Variants in SLC24A2 observed in about 807,000 individuals in gnomAD.
SLC24A2 encodes solute carrier family 24 member 2, also known as sodium/potassium/calcium exchanger 2.
SLC24A2 carries 36 observed loss-of-function variants against 62.0 expected under a neutral mutation model. The observed-to-expected ratio is 0.58, with a 90% CI of 0.44 to 0.77. The LOEUF (loss-of-function observed/expected upper bound fraction) is 0.77. SLC24A2 is among the 30% of genes least tolerant of loss of function. The pLI, the probability that SLC24A2 is intolerant of heterozygous loss-of-function variation, is 0.00. For missense variants in SLC24A2, 846 were observed against 817.9 expected (o/e 1.03, Z -0.42); for synonymous variants, 358 against 294.0 (o/e 1.22, Z -2.23).
chr9:19,511,847 T>G lies in SLC24A2; in HGVS notation c.*4306A>C, dbSNP rs915337193. The G allele has an allele frequency of 6.6e-6, 1 of 152,216 alleles. No individual in the cohort carries two copies. The highest frequency in any genetic ancestry group is 2.4e-5 in the African/African-American group (1 of 41,448). 9.4% of individuals were successfully genotyped at this position (152,216 alleles called of 1,614,324 possible). ...CAATCTGTCCAGGTGCAAGGAGGCA[T>G]AGCATCCACATAATCTCGCGTGTGT... On this transcript the variant is annotated 3_prime_UTR_variant, in exon 11 of 11. Coordinates refer to ENST00000341998, the MANE Select transcript of SLC24A2 (RefSeq NM_020344.4).
the SLC24A2 span, among the ~76,000 whole-genome samples, chr9:19,908,018 C>A: frequency 4.6e-5 from 7 of 152,264 alleles, no homozygotes; most frequent in Non-Finnish European, 8.8e-5. Flanking sequence ...AAAGTGCCCG[C>A]ATCACAAAGT....
the SLC24A2 span, among the ~76,000 whole-genome samples, chr9:20,001,530 T>C: frequency 6.6e-6 from 1 of 152,142 alleles, no homozygotes; most frequent in South Asian, 2.1e-4. Context: ...CTTTTTTGGG[T>C]AAATCACATG....
intron 7 of SLC24A2, among the ~76,000 whole-genome samples, chr9:19,562,873 G>A (rs1007527605): frequency 2.6e-5 from 4 of 152,098 alleles, no homozygotes; most frequent in African/African-American, 4.8e-5. Flanking sequence ...TGGAGCTCTG[G>A]GTAGAAGGAT....
At chr9:19,758,537 C>CAA in intron 2 of SLC24A2, among the ~76,000 whole-genome samples, 1 of 152,040 alleles carries the variant, frequency 6.6e-6, no homozygotes, top group South Asian at 2.1e-4. Flanking sequence ...CTTAAACAAA[C>CAA]AAAAAAAACC....
At chr9:19,805,927 G>A in the SLC24A2 span, among the ~76,000 whole-genome samples, 1 of 151,662 alleles carries the variant, frequency 6.6e-6, no homozygotes, top group East Asian at 1.9e-4. Context: ...TCTTCAGAGT[G>A]AAATGTCACT....
At chr9:19,693,414 G>C (rs1389047003) in intron 2 of SLC24A2, among the ~76,000 whole-genome samples, 1 of 152,054 alleles carries the variant, frequency 6.6e-6, no homozygotes, top group Non-Finnish European at 1.5e-5. Context: ...CTGTTTACTA[G>C]TTTATTAATT....
At chr9:19,839,107 A>G in the SLC24A2 span, among the ~76,000 whole-genome samples, 1 of 152,352 alleles carries the variant, frequency 6.6e-6, no homozygotes, top group Non-Finnish European at 1.5e-5. Flanking sequence ...TCTCAAAAGA[A>G]GACATTTATG....
At chr9:19,682,674 T>A (rs1213499009) in intron 2 of SLC24A2, among the ~76,000 whole-genome samples, 1 of 152,144 alleles carries the variant, frequency 6.6e-6, no homozygotes, top group Non-Finnish European at 1.5e-5. Context: ...GACCTCTAAA[T>A]ACACAAACGT....
At chr9:19,965,528 C>A in the SLC24A2 span, among the ~76,000 whole-genome samples, 2 of 152,134 alleles carry the variant, frequency 1.3e-5, no homozygotes, top group African/African-American at 4.8e-5. Context: ...GTGTGTGATG[C>A]GTAGCAAGTT....
chr9:20,248,336 T>C, the SLC24A2 span, among the ~76,000 whole-genome samples: 1 of 152,248 alleles, frequency 6.6e-6, no homozygotes, highest in East Asian at 1.9e-4. Context: ...GAGCACATCT[T>C]ATTTGGTTCG....
At chr9:19,579,037 G>GT (rs1467160143) in intron 5 of SLC24A2, among the ~76,000 whole-genome samples, 16 of 152,176 alleles carry the variant, frequency 1.1e-4, no homozygotes, top group Admixed American at 1.0e-3. Flanking sequence ...TGAGAAAGAA[G>GT]GATGAGGTGA....
chr9:20,099,636 G>C, the SLC24A2 span, among the ~76,000 whole-genome samples: 1 of 151,996 alleles, frequency 6.6e-6, no homozygotes, highest in Admixed American at 6.5e-5. Flanking sequence ...TCCTTTTCAG[G>C]CTCCTTCCAG....
chr9:19,566,962 G>T (rs12337191), intron 7 of SLC24A2, among the ~76,000 whole-genome samples: 1 of 151,560 alleles, frequency 6.6e-6, no homozygotes, highest in Non-Finnish European at 1.5e-5. Context: ...GCCTGTTGTG[G>T]GGTGGGGGAG....
chr9:19,556,115 T>C (rs1239082714), intron 7 of SLC24A2, among the ~76,000 whole-genome samples: 1 of 152,224 alleles, frequency 6.6e-6, no homozygotes, highest in Non-Finnish European at 1.5e-5. Context: ...ACTCAGCATC[T>C]ACTGGAAGGG....
the SLC24A2 span, among the ~76,000 whole-genome samples, chr9:19,996,286 T>G: frequency 6.6e-6 from 1 of 152,226 alleles, no homozygotes; most frequent in Admixed American, 6.5e-5. Context: ...AATATTTTCA[T>G]AAGTCCTGGG....
the SLC24A2 span, among the ~76,000 whole-genome samples, chr9:20,303,043 C>T: frequency 6.6e-6 from 1 of 152,008 alleles, no homozygotes; most frequent in Non-Finnish European, 1.5e-5. Flanking sequence ...ACCACTTTAC[C>T]CTCTTACCTG....
At chr9:20,098,574 G>C in the SLC24A2 span, among the ~76,000 whole-genome samples, 1 of 152,128 alleles carries the variant, frequency 6.6e-6, no homozygotes, top group East Asian at 1.9e-4. Context: ...TCAGCATTAG[G>C]CCTAAGAGAC....
intron 7 of SLC24A2, among the ~76,000 whole-genome samples, chr9:19,562,443 C>T (rs139945649): frequency 7.2e-4 from 109 of 152,136 alleles, no homozygotes; most frequent in African/African-American, 2.4e-3. Flanking sequence ...TTTTTACCAG[C>T]GAGATTCTCA....
chr9:19,641,898 A>G (rs1416121589), intron 2 of SLC24A2, among the ~76,000 whole-genome samples: 1 of 152,042 alleles, frequency 6.6e-6, no homozygotes, highest in African/African-American at 2.4e-5. Context: ...TTTCTCCCAC[A>G]TCCAATCCAC....
Sources: allele counts gnomAD v4.1 joint callset (sites outside exome capture counted in the v4.1 genomes callset), GRCh38; gene constraint gnomAD v4.1.1; transcripts MANE v1.5; gene names NCBI Gene and HGNC (gene_info 2026-07-23, HGNC 2026-07-21).